The following ATRN variants were observed in gnomAD, a reference collection of about 807,000 sequenced individuals.
The protein encoded by ATRN is attractin-2.
In ATRN, 54 loss-of-function variants were observed where a neutral mutation model predicts 178.7. The ratio of observed to expected loss-of-function variants is 0.30; its 90% confidence interval spans 0.24 to 0.38. ATRN has a LOEUF of 0.38. Among genes scored for constraint, ATRN ranks in the 10% least tolerant of loss-of-function variants. The pLI is 1.00. For synonymous variants in ATRN, 636 were observed against 663.0 expected (o/e 0.96, Z 0.63); for missense variants, 1,443 against 1,815.1 (o/e 0.79, Z 3.73).
rs2670301 is a variant in ATRN, at chr20:3,632,205, T to C, written c.3864-2106T>C. On this transcript the variant is annotated intron_variant, in intron 25 of 28. Coordinates refer to ENST00000262919, the MANE Select transcript of ATRN (RefSeq NM_139321.3). This position sits in a 1 kb window ranked among gnomAD's most constrained non-coding sequence, Gnocchi z 4.2. The stretch of plus-strand genomic sequence containing the variant: ...CAGATTCCAAAGTGCTTTTCACACC[T>C]CTGCTTCCACAGCTCTGGTTTGAGC... Among the ~76,000 whole-genome samples the C allele has an allele frequency of 0.46, 70,319 of 151,982 alleles. 17,729 individuals carry two copies. The highest frequency in any genetic ancestry group is 0.67 in the African/African-American group (27,782 of 41,412).
At chr20:3,495,818 A>AT (rs2084870945) in intron 1 of ATRN, among the ~76,000 whole-genome samples, 1 of 151,936 alleles carries the variant, frequency 6.6e-6, no homozygotes, top group South Asian at 2.1e-4. Context: ...GTACACTGTC[A>AT]TTTTTTAAAG....
intron 11 of ATRN, among the ~76,000 whole-genome samples, chr20:3,571,963 T>A (rs1330119624): frequency 1.3e-5 from 2 of 152,178 alleles, no homozygotes; most frequent in African/African-American, 4.8e-5. Flanking sequence ...CAGAAGATGC[T>A]CTAATCCATG....
chr20:3,592,109 T>C (rs77664480), intron 19 of ATRN, among the ~76,000 whole-genome samples: 5,816 of 152,262 alleles, frequency 0.038, 148 homozygotes, highest in Non-Finnish European at 0.056. Flanking sequence ...GTTTAAATAG[T>C]CCCGTGTTGG....
At chr20:3,546,192 T>C (rs1330231884) in intron 4 of ATRN, among the ~76,000 whole-genome samples, 1 of 152,154 alleles carries the variant, frequency 6.6e-6, no homozygotes, top group Non-Finnish European at 1.5e-5. Flanking sequence ...TTTCTGCTAA[T>C]GGACAAAAAC....
chr20:3,630,340 T>C (rs2086980192), intron 25 of ATRN, among the ~76,000 whole-genome samples: 1 of 152,206 alleles, frequency 6.6e-6, no homozygotes, highest in Admixed American at 6.5e-5. Context: ...AGCAGTGCAC[T>C]GTCTCTCGTT....
intron 1 of ATRN, among the ~76,000 whole-genome samples, chr20:3,499,948 T>C (rs2084933606): frequency 6.6e-6 from 1 of 151,836 alleles, no homozygotes; most frequent in African/African-American, 2.4e-5. Context: ...GACAAAGGGC[T>C]AATATCCAGA....
intron 23 of ATRN, among the ~76,000 whole-genome samples, chr20:3,602,935 C>G (rs1175011766): frequency 1.5e-5 from 2 of 129,272 alleles, no homozygotes; most frequent in East Asian, 2.3e-4. Flanking sequence ...TGCACTCCAG[C>G]CTGGGCAACA....
chr20:3,476,660 A>G (rs2084535794), intron 1 of ATRN, among the ~76,000 whole-genome samples: 3 of 152,254 alleles, frequency 2.0e-5, no homozygotes, highest in Admixed American at 1.3e-4. Flanking sequence ...GGAGTTCGAG[A>G]CTAGCCTGAC....
In ATRN at chr20:3,634,400, G is replaced by C. The variant is rs761809758; in HGVS notation, c.3942+11G>C. ...TCCAGACGTAGAGAGGTAAGCTTCA[G>C]TGGGTAAAGATTAAAGAATCCCTGG... On this transcript the variant is annotated intron_variant, in intron 26 of 28. Transcript: ENST00000262919. The C allele has an allele frequency of 6.2e-7, 1 of 1,609,752 alleles. No individual in the cohort carries two copies. Among genetic ancestry groups the C allele is most frequent in the South Asian group, 1.1e-5 (1 of 90,788 alleles).
intron 1 of ATRN, among the ~76,000 whole-genome samples, chr20:3,479,378 A>G (rs1413196203): frequency 6.6e-6 from 1 of 152,202 alleles, no homozygotes; most frequent in African/African-American, 2.4e-5. Flanking sequence ...TTAGAATTTC[A>G]TAATAAAAAT....
intron 1 of ATRN, among the ~76,000 whole-genome samples, chr20:3,501,868 G>A (rs1163221260): frequency 6.6e-6 from 1 of 152,174 alleles, no homozygotes; most frequent in Admixed American, 6.6e-5. Context: ...GGGCTGCAAA[G>A]AAAGAAGGGG....
chr20:3,578,383 A>G (rs538576661), intron 14 of ATRN, among the ~76,000 whole-genome samples, 199 bp from the exon 15 acceptor site: 1 of 152,194 alleles, frequency 6.6e-6, no homozygotes, highest in African/African-American at 2.4e-5. Flanking sequence ...GATCCGGGAG[A>G]TATCACCAGT....
At chr20:3,508,407 G>A (rs780360308) in intron 1 of ATRN, among the ~76,000 whole-genome samples, 3 of 152,120 alleles carry the variant, frequency 2.0e-5, no homozygotes, top group Non-Finnish European at 2.9e-5. Context: ...TAAGATCTCT[G>A]CCACAGCTAT....
chr20:3,541,701 C>T (rs942796922), intron 3 of ATRN, among the ~76,000 whole-genome samples: 1 of 152,122 alleles, frequency 6.6e-6, no homozygotes. Flanking sequence ...ATATGTGGTC[C>T]ATTGTTGACC....
At chr20:3,514,028 G>A (rs1186447596) in intron 1 of ATRN, among the ~76,000 whole-genome samples, 1 of 152,180 alleles carries the variant, frequency 6.6e-6, no homozygotes, top group African/African-American at 2.4e-5. Flanking sequence ...ATACAATCAT[G>A]TCATCTGACA....
intron 1 of ATRN, among the ~76,000 whole-genome samples, chr20:3,498,487 A>G (rs2084911406): frequency 6.6e-6 from 1 of 151,942 alleles, no homozygotes; most frequent in South Asian, 2.1e-4. Context: ...ATCCACCATG[A>G]TCAAGTGGGC....
intron 1 of ATRN, among the ~76,000 whole-genome samples, chr20:3,513,881 T>A (rs1270161851): frequency 6.6e-6 from 1 of 152,320 alleles, no homozygotes; most frequent in Non-Finnish European, 1.5e-5. Context: ...CACTCATGAT[T>A]TGGCTCTCTG....
chr20:3,560,251 C>T (rs1323976215), intron 7 of ATRN, among the ~76,000 whole-genome samples: 1 of 152,068 alleles, frequency 6.6e-6, no homozygotes, highest in East Asian at 1.9e-4. Flanking sequence ...TGATATTTGT[C>T]TCTGTGCTTG....
chr20:3,615,048 A>G (rs879728940), intron 24 of ATRN, among the ~76,000 whole-genome samples: 1 of 152,144 alleles, frequency 6.6e-6, no homozygotes, highest in African/African-American at 2.4e-5. Context: ...CTCTTTGGCT[A>G]TTATGAATAG....
Sources: gnomAD v4.1 joint callset for allele counts (sites outside exome capture counted in the v4.1 genomes callset) on GRCh38, gnomAD v4.1.1 for gene constraint, Gnocchi (gnomAD v3.1) non-coding constraint, MANE v1.5 for transcripts, NCBI Gene and HGNC (gene_info 2026-07-23, HGNC 2026-07-21) for gene names.